Variants in PM20D1 observed in about 807,000 individuals in gnomAD.
The protein encoded by PM20D1 is peptidase M20 domain containing 1.
In PM20D1, 53 loss-of-function variants were observed where a neutral mutation model predicts 53.8. That is an observed-to-expected ratio of 0.98 (90% CI 0.79 to 1.24). The LOEUF is 1.24. Ranked by LOEUF, PM20D1 falls within the 50% of genes most tolerant of loss-of-function variation. The pLI, the probability that PM20D1 is intolerant of heterozygous loss-of-function variation, is 0.00. For missense variants in PM20D1, 564 were observed against 616.8 expected, an observed-to-expected ratio of 0.91 and a Z score of 0.91; for synonymous variants, 239 against 241.3, an observed-to-expected ratio of 0.99 and a Z score of 0.09.
chr1:205,839,630 G>C (rs1391839842), intron 10 of PM20D1, among the ~76,000 whole-genome samples: 2 of 151,998 alleles, frequency 1.3e-5, no homozygotes, highest in African/African-American at 4.8e-5. Context: ...TGGCTCACAA[G>C]GTCAGGAGAT....
At chr1:205,836,153 C>T (rs547894583) in intron 10 of PM20D1, among the ~76,000 whole-genome samples, 7 of 152,140 alleles carry the variant, frequency 4.6e-5, no homozygotes, top group Non-Finnish European at 8.8e-5. Flanking sequence ...GGATTACAGG[C>T]GTGAGCCACT....
chr1:205,848,029 A>G (rs1657032484), intron 1 of PM20D1, 58 bp from the exon 2 acceptor site: 5 of 1,536,378 alleles, frequency 3.3e-6, no homozygotes, highest in Admixed American at 3.4e-5. Context: ...GTTTTTTTCT[A>G]CAGTCCTCTG....
intron 1 of PM20D1, among the ~76,000 whole-genome samples, chr1:205,848,891 G>C (rs1029400142): frequency 2.6e-5 from 4 of 152,202 alleles, no homozygotes; most frequent in African/African-American, 4.8e-5. Context: ...CTGATCTCAG[G>C]TGTTCTGTCC....
At chr1:205,849,777 G>T in intron 1 of PM20D1, 127 bp downstream of exon 1, 1 of 1,219,080 alleles carries the variant, frequency 8.2e-7, no homozygotes, top group Non-Finnish European at 1.1e-6. Context: ...GGGCCGGGCT[G>T]GGGTGCGTGT....
intron 11 of PM20D1, 133 bp downstream of exon 11, chr1:205,832,465 T>C (rs1656580248): frequency 1.1e-6 from 1 of 915,160 alleles, no homozygotes; most frequent in Non-Finnish European, 1.7e-6. Context: ...AATACAGTTC[T>C]AGTCTCATCA....
At position 205,828,727 on chromosome 1, in the gene PM20D1, C is replaced by T. The variant is rs1376509460; in HGVS notation, c.1402G>A (p.Glu468Lys). ...TCATAGGCTTGGACTGAGATTTTCT[C>T]GTTGACTCCATGGATGCTGAGGAAA... ...EDFKRIHGVNEKISVQAYETQ... is the reference protein window; with the variant it reads ...EDFKRIHGVNKKISVQAYETQ... Residue 468 changes from glutamate (E) to lysine (K), a missense_variant, in exon 13 of 13, where the codon GAG becomes AAG. Coordinates refer to ENST00000367136, the MANE Select transcript of PM20D1 (RefSeq NM_152491.5). 3.7e-6 allele frequency: 6 copies of T among 1,614,010 alleles called. No individual in the cohort carries two copies. Among genetic ancestry groups the T allele is most frequent in the East Asian group, 2.2e-5 (1 of 44,884 alleles).
intron 8 of PM20D1, 128 bp from the exon 9 acceptor site, chr1:205,842,017 T>G: frequency 8.4e-7 from 1 of 1,195,246 alleles, no homozygotes; most frequent in Non-Finnish European, 1.2e-6. Flanking sequence ...AGAGATGTCT[T>G]AAATATACAC....
At chr1:205,830,433 G>T in intron 11 of PM20D1, 54 bp from the exon 12 acceptor site, 2 of 1,324,048 alleles carry the variant, frequency 1.5e-6, no homozygotes, top group Non-Finnish European at 2.2e-6. Context: ...TCAAACCAGC[G>T]AAGTGGCTGG....
Position 205,842,678 on chromosome 1 carries a change from C to CA in PM20D1, c.900dup (p.Glu301Ter). ...GTATGTGATACTTCTTCCCATACCT[C>CA]ATTTGCCAGTTGCTGCAATACAGTC... On this transcript the variant is annotated frameshift_variant, in exon 7 of 13. Transcript: ENST00000367136. LOFTEE classifies it high-confidence loss of function. 1 of 1,614,014 alleles carries CA rather than the reference C, an allele frequency of 6.2e-7. No individual in the cohort carries two copies. Among genetic ancestry groups the CA allele is most frequent in the Non-Finnish European group, 8.5e-7 (1 of 1,179,966 alleles).
At chr1:205,838,577 T>C (rs1656735070) in intron 10 of PM20D1, among the ~76,000 whole-genome samples, 1 of 152,186 alleles carries the variant, frequency 6.6e-6, no homozygotes, top group South Asian at 2.1e-4. Flanking sequence ...CTCTCCTAGC[T>C]CTCTGCACCT....
intron 1 of PM20D1, 139 bp from the exon 2 acceptor site, chr1:205,848,110 T>C: frequency 3.8e-6 from 3 of 783,384 alleles, no homozygotes; most frequent in Non-Finnish European, 6.4e-6. Context: ...GTAGGCGCTA[T>C]TGTTTCCTCT....
intron 12 of PM20D1, 79 bp from the exon 13 acceptor site, chr1:205,828,822 C>A: frequency 6.4e-7 from 1 of 1,554,238 alleles, no homozygotes; most frequent in South Asian, 1.2e-5. Context: ...GAGCACTTCC[C>A]TTACTTCCCT....
intron 10 of PM20D1, among the ~76,000 whole-genome samples, chr1:205,833,452 T>C (rs541873764): frequency 1.2e-4 from 18 of 152,220 alleles, no homozygotes; most frequent in Admixed American, 5.9e-4. Context: ...CTGCTTCCTG[T>C]TTGTAACCAG....
chr1:205,831,772 C>T (rs976320759), intron 11 of PM20D1, among the ~76,000 whole-genome samples: 1 of 152,078 alleles, frequency 6.6e-6, no homozygotes, highest in African/African-American at 2.4e-5. Context: ...CCATATTGGT[C>T]AGGCTGGTCT....
chr1:205,836,551 A>G (rs1656691940), intron 10 of PM20D1, among the ~76,000 whole-genome samples: 1 of 152,218 alleles, frequency 6.6e-6, no homozygotes, highest in African/African-American at 2.4e-5. Context: ...TCTGTCACCC[A>G]GGCTGGAGTG....
intron 2 of PM20D1, among the ~76,000 whole-genome samples, chr1:205,846,960 C>T (rs941298443): frequency 4.1e-5 from 6 of 145,700 alleles, no homozygotes; most frequent in African/African-American, 1.3e-4. Context: ...GGCTACTGGG[C>T]ATTAATCCCT....
intron 10 of PM20D1, among the ~76,000 whole-genome samples, chr1:205,834,639 A>G (rs1174224471): frequency 6.6e-6 from 1 of 152,260 alleles, no homozygotes; most frequent in Non-Finnish European, 1.5e-5. Flanking sequence ...TCTAGCACTT[A>G]TAATACAAAT....
intron 6 of PM20D1, 46 bp downstream of exon 6, chr1:205,843,621 C>A: frequency 6.3e-7 from 1 of 1,583,810 alleles, no homozygotes; most frequent in Non-Finnish European, 8.6e-7. Context: ...AGTGCCAGGG[C>A]TTCCATCTCA....
At chr1:205,838,595 A>G (rs1484785012) in intron 10 of PM20D1, among the ~76,000 whole-genome samples, 1 of 152,074 alleles carries the variant, frequency 6.6e-6, no homozygotes, top group Non-Finnish European at 1.5e-5. Context: ...CCTTCTTCCC[A>G]TGGGCTTTTA....
Sources: gnomAD v4.1 joint callset for allele counts (sites outside exome capture counted in the v4.1 genomes callset) on GRCh38, gnomAD v4.1.1 for gene constraint, MANE v1.5 for transcripts, NCBI Gene and HGNC (gene_info 2026-07-23, HGNC 2026-07-21) for gene names.